Variants in TNS3 observed in about 807,000 individuals in gnomAD.
The protein encoded by TNS3 is tensin 3, also known as tensin-3.
Under a neutral mutation model 140.9 loss-of-function variants are expected in TNS3, and 45 were observed. That is an observed-to-expected ratio of 0.32 (90% CI 0.25 to 0.41). The LOEUF (loss-of-function observed/expected upper bound fraction) is 0.41. Among genes scored for constraint, TNS3 ranks in the 10% least tolerant of loss-of-function variants. The pLI, the probability that TNS3 is intolerant of heterozygous loss-of-function variation, is 1.00. For missense variants in TNS3, 1,716 were observed against 1,906.7 expected (o/e 0.90, Z 1.86); for synonymous variants, 815 against 788.4 (o/e 1.03, Z -0.56).
intron 27 of TNS3, among the ~76,000 whole-genome samples, chr7:47,289,024 A>G (rs1220740374): frequency 1.3e-5 from 2 of 152,222 alleles, no homozygotes; most frequent in African/African-American, 4.8e-5. Flanking sequence ...TTGGCCACAG[A>G]TAACTTATCC....
chr7:47,547,566 T>C (rs73332525), intron 1 of TNS3, among the ~76,000 whole-genome samples: 12,028 of 152,004 alleles, frequency 0.079, 1,598 homozygotes, highest in African/African-American at 0.27. Flanking sequence ...GACAATCCTA[T>C]AGTTCCATCA....
intron 3 of TNS3, among the ~76,000 whole-genome samples, chr7:47,491,431 T>C (rs1189374788): frequency 6.6e-6 from 1 of 152,094 alleles, no homozygotes; most frequent in Non-Finnish European, 1.5e-5. Context: ...ATCTGTGACA[T>C]AGGGATAATA....
intron 1 of TNS3, chr7:47,579,293 C>G (rs1784475264): frequency 1.9e-5 from 1 of 51,382 alleles, no homozygotes; most frequent in Non-Finnish European, 4.1e-5. Context: ...TTCTGGGGTC[C>G]TACAGGAAGG....
chr7:47,344,355 A>C (rs764879026), intron 20 of TNS3, among the ~76,000 whole-genome samples: 2 of 151,716 alleles, frequency 1.3e-5, no homozygotes, highest in African/African-American at 2.4e-5. Flanking sequence ...AGGGGCCACA[A>C]GGTACGTGTG....
chr7:47,513,393 T>G (rs1032138165), intron 2 of TNS3, among the ~76,000 whole-genome samples: 3 of 152,164 alleles, frequency 2.0e-5, no homozygotes, highest in Non-Finnish European at 4.4e-5. Context: ...GGTCTTGAAC[T>G]CCCGGTTTCG....
At chr7:47,520,346 A>C (rs553291275) in intron 2 of TNS3, among the ~76,000 whole-genome samples, 8 of 152,098 alleles carry the variant, frequency 5.3e-5, no homozygotes, top group Non-Finnish European at 1.2e-4. Context: ...CAACCCCACA[A>C]CTTAACATAA....
intron 2 of TNS3, among the ~76,000 whole-genome samples, chr7:47,516,888 C>A (rs1798794850): frequency 6.6e-6 from 1 of 152,094 alleles, no homozygotes; most frequent in African/African-American, 2.4e-5. Flanking sequence ...CATGGTGAAA[C>A]CCCAACTCTA....
chr7:47,501,570 G>T (rs73095176), intron 3 of TNS3, among the ~76,000 whole-genome samples: 7,062 of 152,236 alleles, frequency 0.046, 248 homozygotes, highest in Admixed American at 0.12. Flanking sequence ...TCTGGACATG[G>T]AAGATGAGAC....
chr7:47,346,412 G>A (rs555622343), intron 17 of TNS3, 56 bp from the exon 18 acceptor site: 37 of 1,593,424 alleles, frequency 2.3e-5, no homozygotes, highest in South Asian at 1.4e-4. Flanking sequence ...GGAGTGAGGC[G>A]CCCCTTCCTT....
intron 1 of TNS3, among the ~76,000 whole-genome samples, chr7:47,547,988 C>A (rs1365062733): frequency 3.3e-5 from 5 of 152,236 alleles, no homozygotes; most frequent in Non-Finnish European, 7.3e-5. Context: ...GCAACCTCTG[C>A]CTCCCAGGTG....
chr7:47,502,792 G>C (rs1450717356), intron 3 of TNS3, among the ~76,000 whole-genome samples: 1 of 152,256 alleles, frequency 6.6e-6, no homozygotes, highest in African/African-American at 2.4e-5. Context: ...AGGCTGGACA[G>C]AGCCTGGGAC....
chr7:47,452,825 C>T lies in TNS3; in HGVS notation c.-75-10770G>A, dbSNP rs1796077003. The T allele has an allele frequency of 9.6e-6, 7 of 728,038 alleles. No homozygotes were observed. The South Asian group carries it at 4.3e-4, about 45-fold the overall frequency. 45.1% of individuals were successfully genotyped at this position (728,038 alleles called of 1,614,324 possible). A position where few individuals can be genotyped will look rare whatever the true frequency, so the allele number is the denominator to read the frequency against. ...AAAATGACTTGGAAATGCCCCTTCA[C>T]TGCAAAGCAGCCAGTACCGGAGGCC... On this transcript the variant is annotated intron_variant, in intron 4 of 30. Transcript: ENST00000311160.
At chr7:47,329,694 T>C (rs1788227810) in intron 20 of TNS3, among the ~76,000 whole-genome samples, 1 of 152,102 alleles carries the variant, frequency 6.6e-6, no homozygotes, top group Non-Finnish European at 1.5e-5. Context: ...CGGAAGCGGA[T>C]GGACTGGCCT....
At position 47,277,664 on chromosome 7, in the gene TNS3, C is replaced by T. The variant is rs1046306115; in HGVS notation, c.*412G>A. 1.1e-5 allele frequency: 3 copies of T among 274,746 alleles called. No individual in the cohort carries two copies. Among genetic ancestry groups the T allele is most frequent in the African/African-American group, 4.5e-5 (2 of 44,602 alleles). The allele number at this position is 274,746 out of a possible 1,614,324, so 17.0% of individuals were successfully genotyped here. A position where few individuals can be genotyped will look rare whatever the true frequency, so the allele number is the denominator to read the frequency against. On this transcript the variant is annotated 3_prime_UTR_variant, in exon 31 of 31. Transcript: ENST00000311160. ...AGCTGGACAGAAGCGCCCATGCGGA[C>T]GGGCGAAGCATGGCAGTCACTCGGC...
In TNS3 at chr7:47,275,841, G is replaced by A. The variant is rs761317177; in HGVS notation, c.*2235C>T. On this transcript the variant is annotated 3_prime_UTR_variant, in exon 31 of 31. Transcript: ENST00000311160. ...TTTGCAGGGCTTCCTGAATGCCGTC[G>A]AGGCATGGCTTCATGAGGGCCATCG... is the stretch of plus-strand genomic sequence containing the variant. 2.2e-5 allele frequency: 10 copies of A among 456,006 alleles called. No individual in the cohort carries two copies. The highest frequency in any genetic ancestry group is 9.4e-5 in the Admixed American group (4 of 42,570). 28.2% of individuals were successfully genotyped at this position (456,006 alleles called of 1,614,324 possible). A position where few individuals can be genotyped will look rare whatever the true frequency, so the allele number is the denominator to read the frequency against.
At chr7:47,322,564 AAACAACCCAGTGAAATGAAAATT>A (rs1787808991) in intron 20 of TNS3, among the ~76,000 whole-genome samples, 1 of 152,116 alleles carries the variant, frequency 6.6e-6, no homozygotes, top group Non-Finnish European at 1.5e-5. Context: ...ACAATCAAAA[AAACAACCCAGTGAAATGAAAATT>A]AACAAACATA....
At position 47,277,686 on chromosome 7, in the gene TNS3, C is replaced by T. The variant is rs56731574; in HGVS notation, c.*390G>A. 3,177 of 298,796 alleles carry T rather than the reference C, an allele frequency of 0.011. 89 individuals carry two copies. The highest frequency in any genetic ancestry group is 0.065 in the African/African-American group (2,968 of 45,394). The allele number at this position is 298,796 out of a possible 1,614,324, so 18.5% of individuals were successfully genotyped here. A position where few individuals can be genotyped will look rare whatever the true frequency, so the allele number is the denominator to read the frequency against. Reference sequence around the variant, plus strand: ...GGACGGGCGAAGCATGGCAGTCACTCGGCACCTCTGCCTCAAGGGCTGGGG... The same window carrying T: ...GGACGGGCGAAGCATGGCAGTCACTTGGCACCTCTGCCTCAAGGGCTGGGG... On this transcript the variant is annotated 3_prime_UTR_variant, in exon 31 of 31. Coordinates refer to ENST00000311160, the MANE Select transcript of TNS3 (RefSeq NM_022748.12).
chr7:47,545,561 C>T (rs1216089962), intron 1 of TNS3, among the ~76,000 whole-genome samples: 1 of 152,182 alleles, frequency 6.6e-6, no homozygotes, highest in African/African-American at 2.4e-5. Flanking sequence ...GCAAGAGGAC[C>T]CAGCCTGGTC....
At chr7:47,326,639 T>C (rs943669719) in intron 20 of TNS3, among the ~76,000 whole-genome samples, 1 of 152,044 alleles carries the variant, frequency 6.6e-6, no homozygotes, top group Non-Finnish European at 1.5e-5. Flanking sequence ...TCTCTCGAAA[T>C]AGGTGGACCA....
Sources: gnomAD v4.1 joint callset for allele counts (sites outside exome capture counted in the v4.1 genomes callset) on GRCh38, gnomAD v4.1.1 for gene constraint, MANE v1.5 for transcripts, NCBI Gene and HGNC (gene_info 2026-07-23, HGNC 2026-07-21) for gene names.